ITGA1: variants seen among roughly 807,000 people sequenced by gnomAD.
The protein encoded by ITGA1 is integrin subunit alpha 1.
ITGA1 carries 85 observed loss-of-function variants against 145.9 expected under a neutral mutation model. That is an observed-to-expected ratio of 0.58 (90% CI 0.49 to 0.70). ITGA1 has a LOEUF of 0.70. Ranked by LOEUF, ITGA1 falls within the 30% of genes least tolerant of loss-of-function variation. The probability of loss-of-function intolerance (pLI) is 0.00; values close to 1 mark genes in which losing one functional copy is unlikely to be tolerated. For synonymous variants in ITGA1, 520 were observed against 495.3 expected, an observed-to-expected ratio of 1.05 and a Z score of -0.66; for missense variants, 1,351 against 1,418.7, an observed-to-expected ratio of 0.95 and a Z score of 0.77.
rs372982560 is a variant in ITGA1, at chr5:52,893,843, A to G, written c.1090+3A>G. The G allele has an allele frequency of 1.5e-5, 24 of 1,604,682 alleles. No homozygotes were observed. The highest frequency in any genetic ancestry group is 2.7e-5 in the African/African-American group (2 of 74,618). Reference sequence around the variant, plus strand: ...AGAAAGAATATTTGCCCTGGAAGGTATGTCTATTTATCTTATTGCTGCATG... The same window carrying G: ...AGAAAGAATATTTGCCCTGGAAGGTGTGTCTATTTATCTTATTGCTGCATG... On this transcript the variant is annotated splice_donor_region_variant and intron_variant, in intron 9 of 28. Coordinates refer to ENST00000282588, the MANE Select transcript of ITGA1 (RefSeq NM_181501.2).
At chr5:52,800,911 G>A (rs1433907652) in intron 1 of ITGA1, 1 of 1,614,020 alleles carries the variant, frequency 6.2e-7, no homozygotes, top group Non-Finnish European at 8.5e-7. Flanking sequence ...GAAAAGGAAA[G>A]GCAATTGCTC....
intron 20 of ITGA1, among the ~76,000 whole-genome samples, chr5:52,928,449 T>C (rs1260965511): frequency 6.6e-6 from 1 of 152,236 alleles, no homozygotes; most frequent in Non-Finnish European, 1.5e-5. Flanking sequence ...TAGCATGGAG[T>C]TCACTCGTTG....
chr5:52,801,182 TA>T (rs1464576842), intron 1 of ITGA1: 9 of 1,461,762 alleles, frequency 6.2e-6, no homozygotes, highest in Non-Finnish European at 8.3e-6. Context: ...AAACTACTCC[TA>T]AAGTTTTAGA....
chr5:52,926,238 T>G (rs1162153959), intron 19 of ITGA1, among the ~76,000 whole-genome samples: 2 of 152,176 alleles, frequency 1.3e-5, no homozygotes, highest in African/African-American at 4.8e-5. Context: ...AGGATATCAC[T>G]TAGAGACATG....
At chr5:52,814,704 G>C (rs1338418600) in intron 1 of ITGA1, among the ~76,000 whole-genome samples, 1 of 151,482 alleles carries the variant, frequency 6.6e-6, no homozygotes, top group East Asian at 1.9e-4. Flanking sequence ...GAGAGAATTA[G>C]TCCTCTGCAC....
chr5:52,892,711 T>C (rs1229283556), intron 8 of ITGA1, among the ~76,000 whole-genome samples: 2 of 152,014 alleles, frequency 1.3e-5, no homozygotes, highest in Non-Finnish European at 2.9e-5. Flanking sequence ...CTGAAAAGCA[T>C]TGTACAAAGT....
intron 1 of ITGA1, chr5:52,801,562 T>A: frequency 6.2e-7 from 1 of 1,614,128 alleles, no homozygotes; most frequent in Non-Finnish European, 8.5e-7. Context: ...TCGAGCTTTC[T>A]ATGGACTCAA....
chr5:52,803,185 A>G (rs1016051479), intron 1 of ITGA1: 1 of 152,018 alleles, frequency 6.6e-6, no homozygotes, highest in African/African-American at 2.4e-5. Flanking sequence ...TTTCTTGTAA[A>G]CTTCCTAACT....
intron 21 of ITGA1, among the ~76,000 whole-genome samples, chr5:52,930,610 A>G (rs1489369585): frequency 6.6e-6 from 1 of 152,240 alleles, no homozygotes; most frequent in East Asian, 1.9e-4. Flanking sequence ...CTACTTGGCA[A>G]TGGGAACCCA....
At chr5:52,943,074 G>A (rs1751078348) in intron 26 of ITGA1, among the ~76,000 whole-genome samples, 4 of 152,080 alleles carry the variant, frequency 2.6e-5, no homozygotes, top group Admixed American at 2.6e-4. Flanking sequence ...TCTTTATCTT[G>A]CCTTATTGCT....
chr5:52,800,072 G>A lies in ITGA1; in HGVS notation c.61+11658G>A, dbSNP rs967322154. 34 of 337,786 alleles carry A rather than the reference G, an allele frequency of 1.0e-4. No homozygotes were observed. The East Asian group carries it at 2.0e-3, about 20-fold the overall frequency. 20.9% of individuals were successfully genotyped at this position (337,786 alleles called of 1,614,324 possible). A position where few individuals can be genotyped will look rare whatever the true frequency, so the allele number is the denominator to read the frequency against. ...ACGGGAGACGTGCGTCGGGTCGCGG[G>A]ACGGGGGCTGCGCATGCGCCTTCAT... On this transcript the variant is annotated intron_variant, in intron 1 of 28. Transcript: ENST00000282588.
intron 11 of ITGA1, among the ~76,000 whole-genome samples, chr5:52,901,167 TG>T (rs1344489194): frequency 2.0e-5 from 3 of 152,116 alleles, no homozygotes; most frequent in Non-Finnish European, 4.4e-5. Context: ...GACAGAACTA[TG>T]GAAAAATGGT....
intron 7 of ITGA1, among the ~76,000 whole-genome samples, chr5:52,883,486 A>G (rs1294822490): frequency 6.6e-6 from 1 of 152,160 alleles, no homozygotes; most frequent in African/African-American, 2.4e-5. Flanking sequence ...AGTACCAAGT[A>G]TTTTTCTCCT....
chr5:52,878,126 G>C (rs919543407), intron 6 of ITGA1, among the ~76,000 whole-genome samples: 2 of 152,198 alleles, frequency 1.3e-5, no homozygotes, highest in Non-Finnish European at 2.9e-5. Flanking sequence ...CTGTGGATCA[G>C]GGTGATGGGG....
intron 11 of ITGA1, chr5:52,901,940 T>A (rs1258823388): frequency 6.6e-6 from 1 of 152,230 alleles, no homozygotes; most frequent in Admixed American, 6.5e-5. Flanking sequence ...CTAATACATG[T>A]AAGATTTCTT....
chr5:52,839,206 T>C (rs1749213158), intron 1 of ITGA1, among the ~76,000 whole-genome samples: 1 of 152,234 alleles, frequency 6.6e-6, no homozygotes, highest in African/African-American at 2.4e-5. Context: ...ATATGTTATA[T>C]GTTATAGGTG....
intron 1 of ITGA1, among the ~76,000 whole-genome samples, chr5:52,794,500 T>TAAACACACACACAC (rs1748301482): frequency 1.4e-5 from 2 of 141,834 alleles, no homozygotes; most frequent in African/African-American, 5.2e-5. Flanking sequence ...CAAATAGAAA[T>TAAACACACACACAC]ACACACACAC....
intron 2 of ITGA1, among the ~76,000 whole-genome samples, chr5:52,858,816 T>C (rs1749555957): frequency 6.6e-6 from 1 of 152,214 alleles, no homozygotes; most frequent in African/African-American, 2.4e-5. Context: ...AACATTTAGA[T>C]AGCACATACT....
At position 52,832,578 on chromosome 5, in the gene ITGA1, T is replaced by C. The variant is rs1749088069; in HGVS notation, c.62-16787T>C. ...AATAATTCTACACAAGTTCTTCTAA[T>C]CTCCATATTTTCTTACACCTATGGT... On this transcript the variant is annotated intron_variant, in intron 1 of 28. Coordinates refer to ENST00000282588, the MANE Select transcript of ITGA1 (RefSeq NM_181501.2). Among the ~76,000 whole-genome samples, 3 of 152,160 alleles carry C rather than the reference T, an allele frequency of 2.0e-5. No individual in the cohort carries two copies. In the South Asian group the frequency reaches 6.2e-4, roughly 31 times the overall value.
Sources: allele counts gnomAD v4.1 joint callset (sites outside exome capture counted in the v4.1 genomes callset), GRCh38; gene constraint gnomAD v4.1.1; transcripts MANE v1.5; gene names NCBI Gene and HGNC (gene_info 2026-07-23, HGNC 2026-07-21).